The following TRDN variants were observed in gnomAD, a reference collection of about 807,000 sequenced individuals.
TRDN encodes triadin, also known as triadin in skeletal muscle.
A neutral mutation model predicts 149.7 loss-of-function variants in TRDN; 161 were observed. The ratio of observed to expected loss-of-function variants is 1.08; its 90% CI spans 0.95 to 1.23. The LOEUF (loss-of-function observed/expected upper bound fraction) is 1.23, where lower values mean the gene tolerates loss of function less well. Ranked by LOEUF, TRDN falls within the 50% of genes most tolerant of loss-of-function variation. TRDN has a pLI of 0.00. For synonymous variants in TRDN, 294 were observed against 250.5 expected, an observed-to-expected ratio of 1.17 and a Z score of -1.64; for missense variants, 896 against 823.5, an observed-to-expected ratio of 1.09 and a Z score of -1.08.
At chr6:123,320,279 A>G (rs1244755498) in intron 23 of TRDN, among the ~76,000 whole-genome samples, 2 of 151,612 alleles carry the variant, frequency 1.3e-5, no homozygotes, top group Admixed American at 6.6e-5. Flanking sequence ...AGGTAAGTAT[A>G]TTATATATGT....
intron 10 of TRDN, among the ~76,000 whole-genome samples, chr6:123,443,870 T>C (rs1012035421): frequency 1.3e-5 from 2 of 151,158 alleles, no homozygotes; most frequent in African/African-American, 4.9e-5. Flanking sequence ...TTCTGTTCTA[T>C]TGATCTATAT....
At chr6:123,286,589 G>T (rs1165168678) in intron 24 of TRDN, among the ~76,000 whole-genome samples, 1 of 151,948 alleles carries the variant, frequency 6.6e-6, no homozygotes, top group Non-Finnish European at 1.5e-5. Flanking sequence ...TACTGCTCGG[G>T]TGATAAGTGC....
chr6:123,536,037 T>C (rs549891596), intron 4 of TRDN, among the ~76,000 whole-genome samples: 1 of 152,260 alleles, frequency 6.6e-6, no homozygotes, highest in South Asian at 2.1e-4. Context: ...CTGTGTGAAC[T>C]TCATTTCCTC....
intron 19 of TRDN, among the ~76,000 whole-genome samples, chr6:123,369,675 G>C (rs1269321684): frequency 1.3e-5 from 2 of 152,068 alleles, no homozygotes; most frequent in African/African-American, 4.8e-5. Context: ...GAAAATAGGG[G>C]CAGACTAAAT....
chr6:123,414,546 A>T (rs1773574074), intron 12 of TRDN, among the ~76,000 whole-genome samples: 1 of 152,110 alleles, frequency 6.6e-6, no homozygotes. Flanking sequence ...CAAATCTTTT[A>T]TTCTGTATGT....
chr6:123,395,677 A>G (rs1159860480), intron 12 of TRDN, among the ~76,000 whole-genome samples: 1 of 152,194 alleles, frequency 6.6e-6, no homozygotes, highest in Non-Finnish European at 1.5e-5. Context: ...TACTGTTTCC[A>G]GGTAAAAGTG....
intron 21 of TRDN, among the ~76,000 whole-genome samples, chr6:123,338,829 A>G (rs1779964929): frequency 6.6e-6 from 1 of 152,198 alleles, no homozygotes; most frequent in South Asian, 2.1e-4. Context: ...TGACCCTGTG[A>G]AAAGTACTCC....
intron 4 of TRDN, among the ~76,000 whole-genome samples, chr6:123,535,869 G>A (rs946299340): frequency 6.6e-6 from 1 of 152,026 alleles, no homozygotes; most frequent in Non-Finnish European, 1.5e-5. Flanking sequence ...AAAATATCAT[G>A]CATTTTGATA....
chr6:123,538,214 T>C (rs1780646387), intron 4 of TRDN, among the ~76,000 whole-genome samples: 1 of 152,162 alleles, frequency 6.6e-6, no homozygotes, highest in African/African-American at 2.4e-5. Flanking sequence ...CTTACATTAT[T>C]TCCCATTTTA....
intron 12 of TRDN, among the ~76,000 whole-genome samples, chr6:123,427,188 G>T (rs941439872): frequency 4.0e-5 from 6 of 151,574 alleles, no homozygotes; most frequent in Admixed American, 3.3e-4. Flanking sequence ...GCTGGAATAG[G>T]CAGTCAGAAG....
Position 123,503,705 on chromosome 6 carries a change from C to T in TRDN, c.793+14G>A. 2 of 1,613,550 alleles carry T rather than the reference C, an allele frequency of 1.2e-6. No individual in the cohort carries two copies. Among genetic ancestry groups the T allele is most frequent in the Non-Finnish European group, 1.7e-6 (2 of 1,179,744 alleles). ...TCTTAGAACCTCCGGCAGCCTCCTG[C>T]TCTGAATGTTTACCTTTCTGTTCAT... On this transcript the variant is annotated intron_variant, in intron 8 of 40. Coordinates refer to ENST00000334268, the MANE Select transcript of TRDN (RefSeq NM_006073.4).
At chr6:123,362,571 A>G (rs1344043715) in intron 20 of TRDN, among the ~76,000 whole-genome samples, 1 of 152,104 alleles carries the variant, frequency 6.6e-6, no homozygotes, top group Non-Finnish European at 1.5e-5. Flanking sequence ...ACTCATTTAC[A>G]TAGCAAAACC....
intron 24 of TRDN, among the ~76,000 whole-genome samples, chr6:123,306,835 T>C (rs185339167): frequency 6.6e-6 from 1 of 152,216 alleles, no homozygotes; most frequent in Admixed American, 6.6e-5. Context: ...ATTGTCTTTA[T>C]ATCTTTATTT....
intron 9 of TRDN, among the ~76,000 whole-genome samples, chr6:123,485,640 T>A (rs1016444672): frequency 6.6e-6 from 1 of 152,098 alleles, no homozygotes; most frequent in African/African-American, 2.4e-5. Context: ...GGAACCACCA[T>A]CCACACCAAA....
intron 10 of TRDN, among the ~76,000 whole-genome samples, chr6:123,443,423 A>G (rs1398798570): frequency 6.6e-6 from 1 of 152,098 alleles, no homozygotes; most frequent in Non-Finnish European, 1.5e-5. Flanking sequence ...TTGGGCTATT[A>G]GGGAGAAGAC....
intron 10 of TRDN, among the ~76,000 whole-genome samples, chr6:123,443,829 T>C (rs1775102555): frequency 6.6e-6 from 1 of 150,478 alleles, no homozygotes; most frequent in Non-Finnish European, 1.5e-5. Context: ...CAGATAGTTA[T>C]AGATATGCGG....
chr6:123,613,504 T>A (rs1442671576), intron 1 of TRDN, among the ~76,000 whole-genome samples: 1 of 152,194 alleles, frequency 6.6e-6, no homozygotes, highest in Non-Finnish European at 1.5e-5. Flanking sequence ...ATGAACTCAA[T>A]TATTCAGAGC....
In TRDN at chr6:123,438,972, C is replaced by T; in HGVS notation, c.963G>A (p.Lys321=). The T allele has an allele frequency of 2.6e-6, 4 of 1,560,544 alleles. No homozygotes were observed. Among genetic ancestry groups the T allele is most frequent in the Non-Finnish European group, 2.6e-6 (3 of 1,151,130 alleles). Residue 321 remains lysine, a synonymous_variant, in exon 11 of 41, where the codon AAG becomes AAA. Coordinates refer to ENST00000334268, the MANE Select transcript of TRDN (RefSeq NM_006073.4). The part of the protein sequence containing the change: ...EKEGEKKKAE[K]KVTSETKKKE... ...TCTTTTTTGTTTCAGAAGTAACTTTCTTCTCAGCCTTCTTCTTTTCCCCTT... is the reference window on the plus strand; with the variant it reads ...TCTTTTTTGTTTCAGAAGTAACTTTTTTCTCAGCCTTCTTCTTTTCCCCTT...
rs77184628 is a variant in TRDN, at chr6:123,369,158, C to T, written c.1274-2976G>A. Among the ~76,000 whole-genome samples the T allele has an allele frequency of 3.0e-3, 460 of 152,276 alleles. 12 individuals are homozygous for T. In the East Asian group the frequency reaches 0.075, roughly 25 times the overall value. ...GCCAGGAACCCTTGGCATTCCTTGG[C>T]TTGAAGCTGCGTTGCTGCAATTTCT... is the stretch of plus-strand genomic sequence containing the variant. On this transcript the variant is annotated intron_variant, in intron 19 of 40. Coordinates refer to ENST00000334268, the MANE Select transcript of TRDN (RefSeq NM_006073.4).
Sources: gnomAD v4.1 joint callset for allele counts (sites outside exome capture counted in the v4.1 genomes callset) on GRCh38, gnomAD v4.1.1 for gene constraint, MANE v1.5 for transcripts, NCBI Gene and HGNC (gene_info 2026-07-23, HGNC 2026-07-21) for gene names.